GABRA3: variants seen among roughly 807,000 people sequenced by gnomAD.
GABRA3 encodes the protein gamma-aminobutyric acid type A receptor subunit alpha3.
A neutral mutation model predicts 30.1 loss-of-function variants in GABRA3; 10 were observed. The observed-to-expected ratio is 0.33, with a 90% CI of 0.20 to 0.56. The LOEUF is 0.56. GABRA3 is among the 20% of genes least tolerant of loss of function. GABRA3 has a pLI of 0.89. For synonymous variants in GABRA3, 151 were observed against 146.8 expected, an observed-to-expected ratio of 1.03 and a Z score of -0.21; for missense variants, 233 against 392.0, an observed-to-expected ratio of 0.59 and a Z score of 3.42.
At chrX:152,448,484 A>G (rs1931141829) in intron 1 of GABRA3, among the ~76,000 whole-genome samples, 1 of 111,596 alleles carries the variant, frequency 9.0e-6, no homozygotes, top group South Asian at 3.8e-4. Context: ...AGGGGAAGTC[A>G]TATGTCCAAG....
chrX:152,297,525 T>C (rs953293519), intron 3 of GABRA3, among the ~76,000 whole-genome samples: 1 of 112,397 alleles, frequency 8.9e-6, no homozygotes, highest in Non-Finnish European at 1.9e-5. Flanking sequence ...TCCCTACACT[T>C]ATTATTGGTT....
intron 1 of GABRA3, among the ~76,000 whole-genome samples, chrX:152,435,229 G>T (rs1446502021): frequency 9.0e-6 from 1 of 111,000 alleles, no homozygotes; most frequent in Non-Finnish European, 1.9e-5. Flanking sequence ...ATTTGACCCA[G>T]CAATCCCATT....
At chrX:152,359,518 A>C (rs1419455959) in intron 2 of GABRA3, among the ~76,000 whole-genome samples, 3 of 109,824 alleles carry the variant, frequency 2.7e-5, no homozygotes, top group Non-Finnish European at 5.7e-5. Context: ...TCCTGGACTT[A>C]ATCTTTTGTA....
At chrX:152,359,444 CT>C (rs1206269594) in intron 2 of GABRA3, among the ~76,000 whole-genome samples, 1 of 111,203 alleles carries the variant, frequency 9.0e-6, no homozygotes, top group Non-Finnish European at 1.9e-5. Context: ...TGGATCTTCT[CT>C]TTTTTTCTGT....
At position 152,310,739 on chromosome X, in the gene GABRA3, A is replaced by T. The variant is rs1436134183; in HGVS notation, c.263-26004T>A. 2.7e-5 allele frequency among the ~76,000 whole-genome samples: 3 copies of T among 111,336 alleles called. No individual in the cohort carries two copies. The Admixed American group carries it at 2.9e-4, about 11-fold the overall frequency. On this transcript the variant is annotated intron_variant, in intron 3 of 9. Coordinates refer to ENST00000370314, the MANE Select transcript of GABRA3 (RefSeq NM_000808.4). ...AGTTGAATTGAAGAAAATCGAGATT[A>T]AAAAAAACATTCAAAAGATCCATGA...
intron 1 of GABRA3, among the ~76,000 whole-genome samples, chrX:152,421,174 T>C (rs1300978023): frequency 3.6e-5 from 4 of 110,238 alleles, no homozygotes; most frequent in Non-Finnish European, 7.6e-5. Flanking sequence ...TTTCGTTATA[T>C]AGGTACAGTA....
At chrX:152,224,213 C>A (rs1937894737) in intron 6 of GABRA3, among the ~76,000 whole-genome samples, 1 of 111,990 alleles carries the variant, frequency 8.9e-6, no homozygotes. Context: ...GTTGATTTTT[C>A]TAATTCATTT....
chrX:152,404,675 G>A (rs1486567709), intron 1 of GABRA3, among the ~76,000 whole-genome samples: 6 of 109,158 alleles, frequency 5.5e-5, no homozygotes, highest in African/African-American at 1.0e-4. Context: ...GAGGCTGAGT[G>A]AGGAGTCTAG....
intron 3 of GABRA3, among the ~76,000 whole-genome samples, chrX:152,325,915 G>C (rs916230160): frequency 1.8e-5 from 2 of 111,240 alleles, no homozygotes; most frequent in African/African-American, 6.5e-5. Flanking sequence ...CGAGCTAAAG[G>C]AGGATGTTCG....
chrX:152,353,944 C>T (rs939149983), intron 2 of GABRA3, among the ~76,000 whole-genome samples: 1 of 111,546 alleles, frequency 9.0e-6, no homozygotes, highest in Non-Finnish European at 1.9e-5. Flanking sequence ...TGCACTTCCA[C>T]CTCAAAAGGG....
At chrX:152,397,384 T>C (rs1343794004) in intron 1 of GABRA3, among the ~76,000 whole-genome samples, 1 of 112,347 alleles carries the variant, frequency 8.9e-6, no homozygotes, top group East Asian at 2.8e-4. Context: ...TTCAACCTGA[T>C]AACCAAACAA....
intron 4 of GABRA3, among the ~76,000 whole-genome samples, chrX:152,263,646 T>C (rs779365470): frequency 3.6e-5 from 4 of 110,584 alleles, no homozygotes; most frequent in Non-Finnish European, 7.6e-5. Context: ...CAGAAAGAGA[T>C]AGAGGTAGAA....
intron 3 of GABRA3, among the ~76,000 whole-genome samples, chrX:152,321,676 G>C (rs1939966221): frequency 9.0e-6 from 1 of 111,707 alleles, no homozygotes; most frequent in African/African-American, 3.3e-5. Flanking sequence ...CAGTCTTTCT[G>C]TTGCTATGTA....
chrX:152,385,798 G>C (rs1929287458), intron 1 of GABRA3, among the ~76,000 whole-genome samples: 1 of 111,479 alleles, frequency 9.0e-6, no homozygotes, highest in Non-Finnish European at 1.9e-5. Context: ...TCCAGTTTCA[G>C]CTTTCTACAT....
intron 2 of GABRA3, among the ~76,000 whole-genome samples, chrX:152,360,756 T>TA (rs1181170333): frequency 0.081 from 4,100 of 50,392 alleles, 392 homozygotes; most frequent in African/African-American, 0.27. Context: ...AAAAATAAAT[T>TA]AAAAAAAAAA....
intron 4 of GABRA3, among the ~76,000 whole-genome samples, chrX:152,268,051 GT>G (rs1455209454): frequency 9.1e-6 from 1 of 109,318 alleles, no homozygotes. Context: ...CTTTTTTTTA[GT>G]TTTTGAAGTG....
chrX:152,208,697 G>A (rs949657360), intron 6 of GABRA3, among the ~76,000 whole-genome samples: 4 of 111,381 alleles, frequency 3.6e-5, no homozygotes, highest in Non-Finnish European at 7.5e-5. Flanking sequence ...TTAGTTCACA[G>A]GCTATCTGAT....
At chrX:152,241,045 C>T (rs1360302200) in intron 5 of GABRA3, among the ~76,000 whole-genome samples, 19 of 109,887 alleles carry the variant, frequency 1.7e-4, no homozygotes, top group African/African-American at 5.0e-4. Flanking sequence ...TGAGGAACTG[C>T]GTTCCTTTGG....
intron 1 of GABRA3, among the ~76,000 whole-genome samples, chrX:152,383,637 A>C (rs1329230430): frequency 9.3e-6 from 1 of 108,099 alleles, no homozygotes; most frequent in African/African-American, 3.4e-5. Flanking sequence ...AATCCCTACG[A>C]TCATCTCAAT....
Sources: gnomAD v4.1 joint callset for allele counts (sites outside exome capture counted in the v4.1 genomes callset) on GRCh38, gnomAD v4.1.1 for gene constraint, MANE v1.5 for transcripts, NCBI Gene and HGNC (gene_info 2026-07-23, HGNC 2026-07-21) for gene names.